Variants in MAU2 observed in about 807,000 individuals in gnomAD.
The protein encoded by MAU2 is MAU2 chromatid cohesion factor homolog.
MAU2 carries 9 observed loss-of-function variants against 89.1 expected under a neutral mutation model. That is an observed-to-expected ratio of 0.10 (90% CI 0.06 to 0.18). MAU2 has a LOEUF of 0.18. Among genes scored for constraint, MAU2 ranks in the 10% least tolerant of loss-of-function variants. The probability of loss-of-function intolerance (pLI) is 1.00; values close to 1 mark genes in which losing one functional copy is unlikely to be tolerated. For synonymous variants in MAU2, 357 were observed against 343.4 expected (o/e 1.04, Z -0.44); for missense variants, 425 against 803.5 (o/e 0.53, Z 5.69).
At position 19,342,660 on chromosome 19, in the gene MAU2, C is replaced by T. The variant is rs766701955; in HGVS notation, c.861C>T (p.His287=). Residue 287 remains histidine, a synonymous_variant, in exon 8 of 19, where the codon CAC becomes CAT. Coordinates refer to ENST00000262815, the MANE Select transcript of MAU2 (RefSeq NM_015329.4). The part of the protein sequence containing the change: ...ADLFHWLPKE[H]MCVLVYLVTV... ...TCTTCCACTGGCTGCCCAAGGAGCA[C>T]ATGTGTGTGCTTGTCTACCTGGTGC... 1.2e-6 allele frequency: 2 copies of T among 1,613,166 alleles called. No homozygotes were observed. The highest frequency in any genetic ancestry group is 3.3e-5 in the Admixed American group (2 of 59,994).
intron 3 of MAU2, 148 bp downstream of exon 3, chr19:19,336,335 C>G: frequency 1.6e-6 from 1 of 618,178 alleles, no homozygotes; most frequent in Non-Finnish European, 2.9e-6. Context: ...GGGTCTCACT[C>G]TGTCGCCCAG....
intron 7 of MAU2, among the ~76,000 whole-genome samples, chr19:19,341,708 G>A (rs576588519): frequency 1.2e-4 from 18 of 152,348 alleles, no homozygotes; most frequent in African/African-American, 4.3e-4. Context: ...AGGGAATCAT[G>A]AGAATAAACC....
At chr19:19,347,408 C>T (rs754129133) in intron 13 of MAU2, 42 bp downstream of exon 13, 40 of 1,519,694 alleles carry the variant, frequency 2.6e-5, no homozygotes, top group Non-Finnish European at 3.4e-5. Flanking sequence ...TCTCTCTGTT[C>T]TCTTCTTTTT....
At chr19:19,343,423 C>T (rs1599915026) in intron 9 of MAU2, among the ~76,000 whole-genome samples, 1 of 152,198 alleles carries the variant, frequency 6.6e-6, no homozygotes, top group East Asian at 1.9e-4. Context: ...CTCTTATTCC[C>T]ATATGAGGAT....
intron 10 of MAU2, 92 bp from the exon 11 acceptor site, chr19:19,344,757 C>A: frequency 2.9e-6 from 3 of 1,044,698 alleles, no homozygotes; most frequent in Non-Finnish European, 4.4e-6. Flanking sequence ...AGGACATGGG[C>A]TCACCCACCA....
At chr19:19,329,954 T>A (rs1480738630) in intron 1 of MAU2, among the ~76,000 whole-genome samples, 1 of 151,140 alleles carries the variant, frequency 6.6e-6, no homozygotes, top group East Asian at 1.9e-4. Context: ...CCTGTCTTTT[T>A]AATTATTTAT....
At chr19:19,339,003 C>A (rs926679153) in intron 5 of MAU2, 64 bp downstream of exon 5, 4 of 1,314,218 alleles carry the variant, frequency 3.0e-6, no homozygotes, top group African/African-American at 2.9e-5. Context: ...CCATCTTGGT[C>A]CAGGACAAAT....
intron 14 of MAU2, 54 bp downstream of exon 14, chr19:19,348,992 G>T: frequency 1.9e-6 from 3 of 1,598,230 alleles, no homozygotes; most frequent in South Asian, 2.3e-5. Context: ...CGTGCTCTTT[G>T]GTTGGGGCCC....
intron 4 of MAU2, 90 bp downstream of exon 4, chr19:19,337,355 A>G: frequency 2.0e-6 from 2 of 1,021,758 alleles, no homozygotes; most frequent in African/African-American, 1.6e-5. Flanking sequence ...AGCAGAGTCC[A>G]CGATGCGCAG....
In MAU2 at chr19:19,342,529, G is replaced by T; in HGVS notation, c.736-6G>T. On this transcript the variant is annotated splice_polypyrimidine_tract_variant and splice_region_variant and intron_variant, in intron 7 of 18. Transcript: ENST00000262815. ...AGGTGGATGCTCGGGTGTGGGTGCT[G>T]CACAGGTGAAGAGCGTGAAGCCGTG... is the stretch of plus-strand genomic sequence containing the variant. 6.4e-7 allele frequency: 1 copy of T among 1,570,844 alleles called. No individual in the cohort carries two copies.
At position 19,345,079 on chromosome 19, in the gene MAU2, C is replaced by T; in HGVS notation, c.1155+153C>T. On this transcript the variant is annotated intron_variant, in intron 11 of 18. Transcript: ENST00000262815. This position sits in a 1 kb window ranked among gnomAD's most constrained non-coding sequence, Gnocchi z 4.9. ...CCCATAGGTAATCATATAACCTTCC[C>T]AGGCACGATCCGGAATGCTCCCAGT... 1.3e-6 allele frequency: 1 copy of T among 776,414 alleles called. No homozygotes were observed. Among genetic ancestry groups the T allele is most frequent in the Non-Finnish European group, 2.1e-6 (1 of 468,334 alleles). 48.1% of individuals were successfully genotyped at this position (776,414 alleles called of 1,614,324 possible).
At chr19:19,342,724 CAGGGAG>C in intron 8 of MAU2, 43 bp downstream of exon 8, 1 of 1,613,198 alleles carries the variant, frequency 6.2e-7, no homozygotes. Flanking sequence ...GGGGCGGGGG[CAGGGAG>C]AGGGAGAGGG....
At chr19:19,333,480 T>C (rs908524565) in intron 1 of MAU2, among the ~76,000 whole-genome samples, 1 of 152,144 alleles carries the variant, frequency 6.6e-6, no homozygotes, top group African/African-American at 2.4e-5. Context: ...AGTGAGACTG[T>C]GTCTCAAAAA....
chr19:19,343,156 CAG>C (rs1219746951), intron 9 of MAU2, among the ~76,000 whole-genome samples: 2 of 152,308 alleles, frequency 1.3e-5, no homozygotes, highest in East Asian at 3.9e-4. Flanking sequence ...AGTGTTGTGA[CAG>C]GGACACTCGG....
At chr19:19,353,137 T>G (rs2061758665) in intron 16 of MAU2, 3 of 152,258 alleles carry the variant, frequency 2.0e-5, no homozygotes, top group South Asian at 2.1e-4. Flanking sequence ...TGCCCTGTCC[T>G]GAGCCTGTTA....
At chr19:19,340,013 A>C (rs1013490568) in intron 5 of MAU2, among the ~76,000 whole-genome samples, 1 of 151,962 alleles carries the variant, frequency 6.6e-6, no homozygotes, top group African/African-American at 2.4e-5. Context: ...AAAATACAAA[A>C]AATTAGCTGG....
At position 19,355,977 on chromosome 19, in the gene MAU2, A is replaced by G. The variant is rs777316926; in HGVS notation, c.*195A>G. The stretch of plus-strand genomic sequence containing the variant: ...GTTCCCACCTCGCAGCAGGACCCCC[A>G]GTGCAGAGGCTCACAGGTGGCACAC... On this transcript the variant is annotated 3_prime_UTR_variant, in exon 19 of 19. Coordinates refer to ENST00000262815, the MANE Select transcript of MAU2 (RefSeq NM_015329.4). 59 of 690,296 alleles carry G rather than the reference A, an allele frequency of 8.5e-5. No homozygotes were observed. The highest frequency in any genetic ancestry group is 1.5e-4 in the Non-Finnish European group (55 of 378,538). 42.8% of individuals were successfully genotyped at this position (690,296 alleles called of 1,614,324 possible).
intron 1 of MAU2, among the ~76,000 whole-genome samples, chr19:19,328,444 C>G (rs967668637): frequency 1.3e-4 from 19 of 147,016 alleles, no homozygotes; most frequent in Admixed American, 4.1e-4. Flanking sequence ...TTTTTTGAGA[C>G]AGAGTCTCAC....
chr19:19,351,122 G>A (rs572197810), intron 16 of MAU2, among the ~76,000 whole-genome samples: 3 of 151,622 alleles, frequency 2.0e-5, no homozygotes, highest in South Asian at 2.1e-4. Flanking sequence ...AGCTCAGCTC[G>A]TGGTAACCTT....
Sources: gnomAD v4.1 joint callset for allele counts (sites outside exome capture counted in the v4.1 genomes callset) on GRCh38, gnomAD v4.1.1 for gene constraint, Gnocchi (gnomAD v3.1) non-coding constraint, MANE v1.5 for transcripts, NCBI Gene and HGNC (gene_info 2026-07-23, HGNC 2026-07-21) for gene names.